The following RNF150 variants were observed in gnomAD, a reference collection of about 807,000 sequenced individuals.
The protein encoded by RNF150 is ring finger protein 150.
A neutral mutation model predicts 39.3 loss-of-function variants in RNF150; 24 were observed. The ratio of observed to expected loss-of-function variants is 0.61; its 90% CI spans 0.44 to 0.86. The LOEUF is 0.86. Ranked by LOEUF, RNF150 falls within the 40% of genes least tolerant of loss-of-function variation. RNF150 has a pLI of 0.00. For synonymous variants in RNF150, 255 were observed against 227.3 expected, an observed-to-expected ratio of 1.12 and a Z score of -1.10; for missense variants, 502 against 587.8, an observed-to-expected ratio of 0.85 and a Z score of 1.51.
intron 6 of RNF150, among the ~76,000 whole-genome samples, chr4:140,878,832 A>G (rs1560944753): frequency 6.6e-6 from 1 of 152,206 alleles, no homozygotes; most frequent in African/African-American, 2.4e-5. Context: ...ACCAAATACA[A>G]TGCCATGAAG....
At chr4:140,932,819 T>A (rs1731704787) in intron 4 of RNF150, among the ~76,000 whole-genome samples, 1 of 152,206 alleles carries the variant, frequency 6.6e-6, no homozygotes, top group Non-Finnish European at 1.5e-5. Context: ...AATGACAGAT[T>A]TCACTTCAGG....
chr4:141,044,079 T>C (rs987392302), intron 1 of RNF150, among the ~76,000 whole-genome samples: 11 of 152,212 alleles, frequency 7.2e-5, no homozygotes, highest in Non-Finnish European at 1.5e-4. Flanking sequence ...CTTCTTCATG[T>C]GATTTAAACA....
intron 1 of RNF150, among the ~76,000 whole-genome samples, chr4:141,036,732 C>A (rs1401302393): frequency 6.6e-6 from 1 of 152,026 alleles, no homozygotes; most frequent in African/African-American, 2.4e-5. Context: ...TAAAGAAAAT[C>A]CTAACTGCAA....
At chr4:141,195,346 C>T (rs1186648612) in intron 1 of RNF150, among the ~76,000 whole-genome samples, 2 of 152,198 alleles carry the variant, frequency 1.3e-5, no homozygotes, top group Non-Finnish European at 2.9e-5. Context: ...TTTCCATCTG[C>T]TAGTAATGCT....
intron 1 of RNF150, among the ~76,000 whole-genome samples, chr4:141,167,068 CT>C (rs758243919): frequency 1.3e-4 from 20 of 152,082 alleles, no homozygotes; most frequent in Non-Finnish European, 2.6e-4. Flanking sequence ...CCCAAATCTC[CT>C]TAAGCTGATA....
At position 140,890,710 on chromosome 4, in the gene RNF150, G is replaced by A. The variant is rs568327970; in HGVS notation, c.1198+20434C>T. Among the ~76,000 whole-genome samples, 11 of 152,262 alleles carry A rather than the reference G, an allele frequency of 7.2e-5. No individual in the cohort carries two copies. The South Asian group carries it at 1.7e-3, about 23-fold the overall frequency. On this transcript the variant is annotated intron_variant, in intron 6 of 6. Coordinates refer to ENST00000515673, the MANE Select transcript of RNF150 (RefSeq NM_020724.2). Reference sequence around the variant, plus strand: ...CTGATCTTGGACTTCCCAGACTCCCGAACTGTGAGAAATAAATGTCTGTTC... The same window carrying A: ...CTGATCTTGGACTTCCCAGACTCCCAAACTGTGAGAAATAAATGTCTGTTC...
intron 1 of RNF150, among the ~76,000 whole-genome samples, chr4:141,200,929 G>C (rs1329553928): frequency 6.6e-6 from 1 of 152,090 alleles, no homozygotes; most frequent in Admixed American, 6.6e-5. Context: ...CAATAAATCA[G>C]ATCTATTTTA....
chr4:140,953,226 T>C lies in RNF150; in HGVS notation c.736-3854A>G, dbSNP rs574061208. Among the ~76,000 whole-genome samples the C allele has an allele frequency of 3.3e-5, 5 of 152,336 alleles. No homozygotes were observed. In the East Asian group the frequency reaches 9.6e-4, roughly 29 times the overall value. On this transcript the variant is annotated intron_variant, in intron 2 of 6. Coordinates refer to ENST00000515673, the MANE Select transcript of RNF150 (RefSeq NM_020724.2). The stretch of plus-strand genomic sequence containing the variant: ...CTCCTAGAAGCTCTGAGAAATCAAA[T>C]GATTCACAAAGGTAGGAAGACGTAT...
At chr4:141,181,757 A>C (rs1727912968) in intron 1 of RNF150, among the ~76,000 whole-genome samples, 1 of 152,206 alleles carries the variant, frequency 6.6e-6, no homozygotes, top group African/African-American at 2.4e-5. Flanking sequence ...ACACATATTT[A>C]ATGATGTGCT....
At chr4:140,972,667 T>C (rs1409584269) in intron 1 of RNF150, among the ~76,000 whole-genome samples, 3 of 152,088 alleles carry the variant, frequency 2.0e-5, no homozygotes, top group Non-Finnish European at 2.9e-5. Context: ...CTCCAGGAAC[T>C]TATCTACAAA....
intron 1 of RNF150, among the ~76,000 whole-genome samples, chr4:141,141,793 C>T (rs2111126534): frequency 6.6e-6 from 1 of 152,076 alleles, no homozygotes; most frequent in East Asian, 1.9e-4. Flanking sequence ...TTCAGCCTGG[C>T]CTGGGCAAAA....
At chr4:140,997,503 C>A (rs113322701) in intron 1 of RNF150, among the ~76,000 whole-genome samples, 11,529 of 151,958 alleles carry the variant, frequency 0.076, 491 homozygotes, top group Middle Eastern at 0.16. Context: ...ATGCCTGTGT[C>A]ATTCATCCCA....
chr4:141,078,451 T>C (rs1737988322), intron 1 of RNF150, among the ~76,000 whole-genome samples: 1 of 152,054 alleles, frequency 6.6e-6, no homozygotes, highest in African/African-American at 2.4e-5. Context: ...CAGGCTTGCT[T>C]TCAAAATCAG....
chr4:140,973,895 A>G (rs1276242867), intron 1 of RNF150, among the ~76,000 whole-genome samples: 4 of 151,450 alleles, frequency 2.6e-5, no homozygotes, highest in South Asian at 2.1e-4. Flanking sequence ...AAAAAAAAAA[A>G]AAGAAGAGGT....
intron 1 of RNF150, among the ~76,000 whole-genome samples, chr4:141,046,925 G>A (rs967199792): frequency 1.3e-5 from 2 of 151,806 alleles, no homozygotes; most frequent in Non-Finnish European, 2.9e-5. Context: ...CTTAACATTG[G>A]CTCTAGACAC....
chr4:141,041,649 AT>A (rs1243154833), intron 1 of RNF150, among the ~76,000 whole-genome samples: 1 of 152,050 alleles, frequency 6.6e-6, no homozygotes, highest in Non-Finnish European at 1.5e-5. Flanking sequence ...AGGTCTACAG[AT>A]TACTTTTTCT....
intron 6 of RNF150, among the ~76,000 whole-genome samples, chr4:140,892,716 C>T (rs1161109723): frequency 7.3e-6 from 1 of 136,386 alleles, no homozygotes; most frequent in African/African-American, 3.8e-5. Flanking sequence ...CTTGGCCTCA[C>T]AAGTTCCTTC....
At chr4:140,966,484 C>T (rs1377022006) in intron 2 of RNF150, among the ~76,000 whole-genome samples, 1 of 151,946 alleles carries the variant, frequency 6.6e-6, no homozygotes, top group Non-Finnish European at 1.5e-5. Context: ...ATTTCCTTGA[C>T]TAATAAAGAG....
intron 6 of RNF150, among the ~76,000 whole-genome samples, chr4:140,876,044 C>T (rs1323823286): frequency 6.6e-6 from 1 of 152,140 alleles, no homozygotes; most frequent in Non-Finnish European, 1.5e-5. Flanking sequence ...CCCCAGGTGG[C>T]CTATTCTCCA....
Sources: gnomAD v4.1 joint callset for allele counts (sites outside exome capture counted in the v4.1 genomes callset) on GRCh38, gnomAD v4.1.1 for gene constraint, MANE v1.5 for transcripts, NCBI Gene and HGNC (gene_info 2026-07-23, HGNC 2026-07-21) for gene names.